The following MRTFB variants were observed in gnomAD, a reference collection of about 807,000 sequenced individuals.
MRTFB encodes the protein myocardin-related transcription factor B.
Under a neutral mutation model 104.2 loss-of-function variants are expected in MRTFB, and 29 were observed. The ratio of observed to expected loss-of-function variants is 0.28; its 90% CI spans 0.21 to 0.38. The LOEUF is 0.38. MRTFB is among the 10% of genes least tolerant of loss of function. The pLI, the probability that MRTFB is intolerant of heterozygous loss-of-function variation, is 1.00. For synonymous variants in MRTFB, 535 were observed against 519.5 expected (o/e 1.03, Z -0.41); for missense variants, 1,270 against 1,341.6 (o/e 0.95, Z 0.83).
At chr16:14,200,767 G>A (rs2040661937) in intron 3 of MRTFB, 1 of 1,472,102 alleles carries the variant, frequency 6.8e-7, no homozygotes, top group Non-Finnish European at 9.5e-7. Context: ...CAGTGCTGTG[G>A]GTGATACTTG....
the MRTFB span, among the ~76,000 whole-genome samples, chr16:14,008,194 C>T: frequency 4.0e-5 from 6 of 151,860 alleles, no homozygotes; most frequent in Admixed American, 3.9e-4. Context: ...AACAAGACCC[C>T]ATCTCTTAAA....
intron 8 of MRTFB, among the ~76,000 whole-genome samples, chr16:14,232,570 A>G (rs190387279): frequency 3.0e-4 from 46 of 152,340 alleles, no homozygotes; most frequent in African/African-American, 9.6e-4. Context: ...AAGGTCCTTC[A>G]TATTGTCAAC....
rs986644183 is a variant in MRTFB at position 14,265,336 on chromosome 16, C to T, written c.*3892C>T. 6.6e-6 allele frequency: 1 copy of T among 152,136 alleles called. No individual in the cohort carries two copies. The highest frequency in any genetic ancestry group is 2.4e-5 in the African/African-American group (1 of 41,412). The allele number at this position is 152,136 out of a possible 1,614,324, so 9.4% of individuals were successfully genotyped here. A position where few individuals can be genotyped will look rare whatever the true frequency, so the allele number is the denominator to read the frequency against. The stretch of plus-strand genomic sequence containing the variant: ...TACCCATACAAATCGTCCCACCGCC[C>T]TAGAGGCCACAGAATTAGCCCAAAA... On this transcript the variant is annotated 3_prime_UTR_variant, in exon 17 of 17. Coordinates refer to ENST00000571589, the MANE Select transcript of MRTFB (RefSeq NM_001308142.2).
Position 14,140,638 on chromosome 16 carries a change from A to T in MRTFB, c.32A>T (p.Asp11Val), listed in dbSNP as rs1159056604. MDHTGAIDTE[D>V]EVGPLAHLAP... Reference sequence around the variant, plus strand: ...CACACAGGGGCGATAGACACCGAGGATGAAGTGGGACCTTTAGCCCATCTT... The same window carrying T: ...CACACAGGGGCGATAGACACCGAGGTTGAAGTGGGACCTTTAGCCCATCTT... Residue 11 changes from aspartate (D) to valine (V), a missense_variant, in exon 3 of 17, where the codon GAT (aspartate) becomes GTT (valine). By Grantham distance (152) the Asp-to-Val change is radical. Around this residue, in one of 3 missense-constraint regions of MRTFB, gnomAD observed 62 missense variants for 57.2 expected, o/e 1.08. Transcript: ENST00000571589. 1 of 1,614,080 alleles carries T rather than the reference A, an allele frequency of 6.2e-7. No homozygotes were observed. Among genetic ancestry groups the T allele is most frequent in the East Asian group, 2.2e-5 (1 of 44,884 alleles).
At chr16:14,087,423 G>A (rs1191003512) in intron 2 of MRTFB, among the ~76,000 whole-genome samples, 2 of 152,176 alleles carry the variant, frequency 1.3e-5, no homozygotes, top group African/African-American at 4.8e-5. Flanking sequence ...GAGTTGAGGA[G>A]AGGGAGTCTG....
the MRTFB span, among the ~76,000 whole-genome samples, chr16:14,038,312 C>A: frequency 6.6e-6 from 1 of 152,234 alleles, no homozygotes; most frequent in East Asian, 1.9e-4. Flanking sequence ...TCTTTAAATA[C>A]CCTGTCACCA....
At chr16:14,138,347 T>A (rs2037829045) in intron 2 of MRTFB, among the ~76,000 whole-genome samples, 1 of 152,236 alleles carries the variant, frequency 6.6e-6, no homozygotes, top group Non-Finnish European at 1.5e-5. Flanking sequence ...ATTTCTGAAA[T>A]CTAAGTTTTT....
chr16:14,078,449 G>T (rs1003624807), intron 1 of MRTFB, among the ~76,000 whole-genome samples: 2 of 151,920 alleles, frequency 1.3e-5, no homozygotes, highest in Admixed American at 1.3e-4. Context: ...TAGAGACGGG[G>T]TCTCTCTCAT....
At chr16:14,023,507 T>A in the MRTFB span, among the ~76,000 whole-genome samples, 1 of 151,720 alleles carries the variant, frequency 6.6e-6, no homozygotes, top group Non-Finnish European at 1.5e-5. Context: ...CCTGGGCAAG[T>A]TTTTAAGCTC....
At chr16:14,090,189 T>A (rs2034969807) in intron 2 of MRTFB, among the ~76,000 whole-genome samples, 1 of 152,204 alleles carries the variant, frequency 6.6e-6, no homozygotes, top group South Asian at 2.1e-4. Flanking sequence ...CTTGTGCCAT[T>A]CTCTCTCTGT....
chr16:14,002,996 A>C, the MRTFB span, among the ~76,000 whole-genome samples: 1 of 152,160 alleles, frequency 6.6e-6, no homozygotes, highest in Non-Finnish European at 1.5e-5. Flanking sequence ...AGGAGGAAGA[A>C]GTGAGAGAGA....
At chr16:14,129,068 C>G (rs2037308613) in intron 2 of MRTFB, among the ~76,000 whole-genome samples, 1 of 152,204 alleles carries the variant, frequency 6.6e-6, no homozygotes, top group Non-Finnish European at 1.5e-5. Flanking sequence ...GAGATTCAGG[C>G]ATGTTGTTTC....
At chr16:14,162,873 C>A (rs1405927351) in intron 3 of MRTFB, among the ~76,000 whole-genome samples, 1 of 152,168 alleles carries the variant, frequency 6.6e-6, no homozygotes, top group Non-Finnish European at 1.5e-5. Context: ...TTCTGCATGT[C>A]TATTATACTA....
intron 3 of MRTFB, among the ~76,000 whole-genome samples, chr16:14,194,425 C>A (rs1049186788): frequency 1.3e-5 from 2 of 152,224 alleles, no homozygotes; most frequent in African/African-American, 4.8e-5. Flanking sequence ...AGGGTCCCAA[C>A]CTCGTGACCT....
chr16:14,101,504 G>C (rs2035700453), intron 2 of MRTFB, among the ~76,000 whole-genome samples: 1 of 152,162 alleles, frequency 6.6e-6, no homozygotes, highest in South Asian at 2.1e-4. Context: ...CTTCTTGGTT[G>C]CTGTATTGTG....
chr16:14,026,519 C>T, the MRTFB span, among the ~76,000 whole-genome samples: 10 of 152,246 alleles, frequency 6.6e-5, no homozygotes, highest in African/African-American at 2.4e-4. Context: ...ACACCAAAAG[C>T]ACAATCCGTA....
In MRTFB at chr16:14,188,586, C is replaced by T. The variant is rs549681087; in HGVS notation, c.155-21657C>T. On this transcript the variant is annotated intron_variant, in intron 3 of 16. Transcript: ENST00000571589. ...TCCCTAACAATTCTGACTATGCTTT[C>T]GATTTATACAGGTGTAATAGTATAA... Among the ~76,000 whole-genome samples, 6 of 152,228 alleles carry T rather than the reference C, an allele frequency of 3.9e-5. No individual in the cohort carries two copies. In the South Asian group the frequency reaches 6.2e-4, roughly 16 times the overall value.
At chr16:14,254,343 A>G (rs1158321966) in intron 15 of MRTFB, among the ~76,000 whole-genome samples, 2 of 152,246 alleles carry the variant, frequency 1.3e-5, no homozygotes, top group African/African-American at 4.8e-5. Flanking sequence ...GAGTAAATAG[A>G]AGCAGTCATT....
chr16:14,164,100 T>C (rs551229966), intron 3 of MRTFB, among the ~76,000 whole-genome samples: 2 of 152,318 alleles, frequency 1.3e-5, no homozygotes, highest in African/African-American at 4.8e-5. Context: ...ATATAATACA[T>C]TGTTGTTAAC....
Sources: gnomAD v4.1 joint callset for allele counts (sites outside exome capture counted in the v4.1 genomes callset) on GRCh38, gnomAD v4.1.1 for gene constraint, gnomAD v4.1.1 regional missense constraint, MANE v1.5 for transcripts, NCBI Gene and HGNC (gene_info 2026-07-23, HGNC 2026-07-21) for gene names.